The following SUGP1 variants were observed in gnomAD, a reference collection of about 807,000 sequenced individuals.
The protein encoded by SUGP1 is SURP and G-patch domain-containing protein 1.
A neutral mutation model predicts 76.5 loss-of-function variants in SUGP1; 34 were observed. The ratio of observed to expected loss-of-function variants is 0.44; its 90% confidence interval spans 0.34 to 0.59. The LOEUF (loss-of-function observed/expected upper bound fraction) is 0.59. Ranked by LOEUF, SUGP1 falls within the 20% of genes least tolerant of loss-of-function variation. The pLI is 0.01. For missense variants in SUGP1, 752 were observed against 851.7 expected (o/e 0.88, Z 1.46); for synonymous variants, 326 against 326.2 (o/e 1.00, Z 0.01).
intron 8 of SUGP1, among the ~76,000 whole-genome samples, chr19:19,286,945 C>CA (rs112097780): frequency 8.4e-5 from 12 of 142,440 alleles, no homozygotes; most frequent in East Asian, 2.1e-4. Flanking sequence ...ACTCTGTCTC[C>CA]AAAAAAAAAA....
chr19:19,296,386 T>A (rs1480292874), intron 8 of SUGP1, among the ~76,000 whole-genome samples: 1 of 148,456 alleles, frequency 6.7e-6, no homozygotes, highest in African/African-American at 2.5e-5. Flanking sequence ...TGAAACCCCA[T>A]CTCTACGTCC....
At chr19:19,280,357 G>T in intron 8 of SUGP1, 66 bp from the exon 9 acceptor site, 1 of 1,437,322 alleles carries the variant, frequency 7.0e-7, no homozygotes. Context: ...TCCTGCGCTG[G>T]GGTGTGCTGT....
At chr19:19,302,562 T>G (rs963159861) in intron 6 of SUGP1, 174 bp from the exon 7 acceptor site, 5 of 928,966 alleles carry the variant, frequency 5.4e-6, no homozygotes, top group Non-Finnish European at 7.8e-6. Context: ...ATAACACACC[T>G]CAAGCCCCCA....
intron 7 of SUGP1, among the ~76,000 whole-genome samples, chr19:19,300,100 G>C (rs2061259649): frequency 1.3e-5 from 2 of 149,538 alleles, no homozygotes; most frequent in African/African-American, 4.9e-5. Context: ...TTTTGAGATG[G>C]AGTCTTGCTC....
intron 7 of SUGP1, among the ~76,000 whole-genome samples, chr19:19,300,716 G>A (rs184531719): frequency 3.9e-5 from 6 of 152,256 alleles, no homozygotes; most frequent in Admixed American, 1.3e-4. Context: ...CTTCAGCCTC[G>A]TCTCCTCTGG....
chr19:19,303,465 T>G lies in SUGP1; in HGVS notation c.663-17A>C. Reference sequence around the variant, plus strand: ...TGCAAAAATCTGGAGAGGAGGAAGTTTGCAGAAGAGAGGGGAAAATAAGTA... The same window carrying G: ...TGCAAAAATCTGGAGAGGAGGAAGTGTGCAGAAGAGAGGGGAAAATAAGTA... On this transcript the variant is annotated splice_polypyrimidine_tract_variant and intron_variant, in intron 5 of 13. Transcript: ENST00000247001. 1.9e-6 allele frequency: 3 copies of G among 1,605,376 alleles called. No homozygotes were observed. Among genetic ancestry groups the G allele is most frequent in the Non-Finnish European group, 2.6e-6 (3 of 1,172,116 alleles).
intron 8 of SUGP1, among the ~76,000 whole-genome samples, chr19:19,293,390 C>T (rs1253151163): frequency 2.6e-5 from 4 of 151,724 alleles, no homozygotes; most frequent in Non-Finnish European, 4.4e-5. Flanking sequence ...TCGAGACCAG[C>T]CTGGCCAACA....
At chr19:19,289,716 C>T (rs2061167216) in intron 8 of SUGP1, among the ~76,000 whole-genome samples, 1 of 152,046 alleles carries the variant, frequency 6.6e-6, no homozygotes, top group South Asian at 2.1e-4. Context: ...CCACAGCACT[C>T]CAGCCTGGGC....
At chr19:19,317,346 A>G (rs2061402544) in intron 1 of SUGP1, among the ~76,000 whole-genome samples, 4 of 152,186 alleles carry the variant, frequency 2.6e-5, no homozygotes. Context: ...GAAGGAGCAG[A>G]TGTGAAAGCT....
At chr19:19,320,169 G>A (rs1320698317) in intron 1 of SUGP1, among the ~76,000 whole-genome samples, 1 of 152,230 alleles carries the variant, frequency 6.6e-6, no homozygotes, top group African/African-American at 2.4e-5. Flanking sequence ...GCCGTATTGG[G>A]GAACGGAGGT....
chr19:19,290,705 T>A (rs894535367), intron 8 of SUGP1, among the ~76,000 whole-genome samples: 2 of 152,238 alleles, frequency 1.3e-5, no homozygotes, highest in African/African-American at 4.8e-5. Context: ...TTGTTATTTT[T>A]ATTTTTAAGG....
At position 19,310,340 on chromosome 19, in the gene SUGP1, C is replaced by A. The variant is rs183454320; in HGVS notation, c.207-140G>T. 98 of 654,726 alleles carry A rather than the reference C, an allele frequency of 1.5e-4. No individual in the cohort carries two copies. In the East Asian group the frequency reaches 2.3e-3, roughly 15 times the overall value. 40.6% of individuals were successfully genotyped at this position (654,726 alleles called of 1,614,324 possible). A position where few individuals can be genotyped will look rare whatever the true frequency, so the allele number is the denominator to read the frequency against. ...CCCAGCACTCTCACCTACTGGGACC[C>A]CAAACTGGCCCCCAGAGATTTCAAG... On this transcript the variant is annotated intron_variant, in intron 2 of 13. Coordinates refer to ENST00000247001, the MANE Select transcript of SUGP1 (RefSeq NM_172231.4).
chr19:19,287,037 G>A (rs1327990467), intron 8 of SUGP1, among the ~76,000 whole-genome samples: 2 of 152,164 alleles, frequency 1.3e-5, no homozygotes, highest in Non-Finnish European at 2.9e-5. Flanking sequence ...TACTTTGGAA[G>A]GCTGAGGCAG....
chr19:19,282,557 G>C (rs1665922275), intron 8 of SUGP1, among the ~76,000 whole-genome samples: 1 of 152,026 alleles, frequency 6.6e-6, no homozygotes, highest in Admixed American at 6.5e-5. Flanking sequence ...ACCAATGTGT[G>C]AGCATCACAG....
chr19:19,278,861 C>T (rs1248943045), intron 10 of SUGP1, 65 bp from the exon 11 acceptor site: 10 of 1,519,530 alleles, frequency 6.6e-6, no homozygotes, highest in Non-Finnish European at 9.0e-6. Flanking sequence ...GGCCTGGTGG[C>T]TCCCAGGGCA....
At chr19:19,281,902 T>A (rs1004349277) in intron 8 of SUGP1, among the ~76,000 whole-genome samples, 2 of 152,184 alleles carry the variant, frequency 1.3e-5, no homozygotes, top group East Asian at 3.9e-4. Flanking sequence ...CCGAAATTGC[T>A]GCTAAGAAGG....
chr19:19,292,562 T>C (rs888979114), intron 8 of SUGP1, among the ~76,000 whole-genome samples: 16 of 150,878 alleles, frequency 1.1e-4, no homozygotes, highest in Non-Finnish European at 1.8e-4. Flanking sequence ...ATTAGCCGGG[T>C]GTGGTGGTGG....
At chr19:19,318,113 CTT>C (rs1192437542) in intron 1 of SUGP1, among the ~76,000 whole-genome samples, 8 of 97,682 alleles carry the variant, frequency 8.2e-5, no homozygotes, top group Non-Finnish European at 9.7e-5. Flanking sequence ...ACCCAGCCTT[CTT>C]TTTTTTTTTT....
intron 12 of SUGP1, 123 bp from the exon 13 acceptor site, chr19:19,277,199 C>T (rs2061057456): frequency 9.6e-7 from 1 of 1,045,642 alleles, no homozygotes; most frequent in Admixed American, 3.1e-5. Context: ...CATATCTGCA[C>T]AGAGAGAAGC....
Sources: allele counts gnomAD v4.1 joint callset (sites outside exome capture counted in the v4.1 genomes callset), GRCh38; gene constraint gnomAD v4.1.1; transcripts MANE v1.5; gene names NCBI Gene and HGNC (gene_info 2026-07-23, HGNC 2026-07-21).